LDLRAD4: variants seen among roughly 807,000 people sequenced by gnomAD.
LDLRAD4 encodes low-density lipoprotein receptor class A domain-containing protein 4.
LDLRAD4 carries 5 observed loss-of-function variants against 17.0 expected under a neutral mutation model. The observed-to-expected ratio is 0.29, with a 90% CI of 0.15 to 0.62. LDLRAD4 has a LOEUF of 0.62. LDLRAD4 is among the 20% of genes least tolerant of loss of function. LDLRAD4 has a pLI of 0.84. For missense variants in LDLRAD4, 340 were observed against 424.7 expected, an observed-to-expected ratio of 0.80 and a Z score of 1.75; for synonymous variants, 168 against 171.8, an observed-to-expected ratio of 0.98 and a Z score of 0.17.
chr18:13,467,405 A>G (rs562730523), intron 3 of LDLRAD4, among the ~76,000 whole-genome samples: 43 of 152,352 alleles, frequency 2.8e-4, no homozygotes, highest in African/African-American at 1.0e-3. Flanking sequence ...AATTAGCTCT[A>G]AAAGAATAAA....
intron 3 of LDLRAD4, chr18:13,614,628 G>T (rs1292830782): frequency 6.6e-6 from 1 of 152,152 alleles, no homozygotes; most frequent in East Asian, 1.9e-4. Flanking sequence ...TTTAATGAGT[G>T]TGAATCTTCA....
At chr18:13,533,663 T>G (rs2147855424) in intron 3 of LDLRAD4, among the ~76,000 whole-genome samples, 1 of 152,360 alleles carries the variant, frequency 6.6e-6, no homozygotes, top group South Asian at 2.1e-4. Flanking sequence ...GTAGTCCATG[T>G]ATCTGAATTA....
At chr18:13,531,263 A>G (rs2094122281) in intron 3 of LDLRAD4, among the ~76,000 whole-genome samples, 2 of 152,144 alleles carry the variant, frequency 1.3e-5, no homozygotes, top group Non-Finnish European at 1.5e-5. Context: ...ACGGAGACAG[A>G]TGTGTGACTG....
intron 3 of LDLRAD4, among the ~76,000 whole-genome samples, chr18:13,554,797 CAA>C (rs1353658964): frequency 3.3e-5 from 5 of 152,174 alleles, no homozygotes; most frequent in African/African-American, 1.2e-4. Flanking sequence ...ACTCTGCCCT[CAA>C]AGAGGGAGCC....
intron 1 of LDLRAD4, among the ~76,000 whole-genome samples, chr18:13,250,215 T>C (rs888897580): frequency 2.6e-5 from 4 of 152,252 alleles, no homozygotes; most frequent in African/African-American, 9.6e-5. Flanking sequence ...TTTTGGTTAT[T>C]ATAGCTTTAT....
rs115328794 is a variant in LDLRAD4, at chr18:13,595,891, C to T, written c.182-25226C>T. ...AGGTCCATCTGTTAGGTTTATTTGG[C>T]TTCTACTGTGTTTAAGTCTTCTATT... On this transcript the variant is annotated intron_variant, in intron 3 of 5. Coordinates refer to ENST00000359446, the Ensembl canonical transcript of LDLRAD4. Among the ~76,000 whole-genome samples the T allele has an allele frequency of 6.9e-3, 1,048 of 152,234 alleles. 11 individuals carry two copies. Among genetic ancestry groups the T allele is most frequent in the African/African-American group, 0.024 (1,014 of 41,550 alleles).
At position 13,438,232 on chromosome 18, in the gene LDLRAD4, G is replaced by A. The variant is rs368218936; in HGVS notation, c.41-12G>A. 5 of 1,613,460 alleles carry A rather than the reference G, an allele frequency of 3.1e-6. No individual in the cohort carries two copies. The African/African-American group carries it at 6.7e-5, about 22-fold the overall frequency. On this transcript the variant is annotated splice_polypyrimidine_tract_variant and intron_variant, in intron 2 of 5. Transcript: ENST00000359446. ...CATTGACTGCTCCATGCTTTATATTGTACTTTTTCAGAGTGCAAATTCACC... is the reference window on the plus strand; with the variant it reads ...CATTGACTGCTCCATGCTTTATATTATACTTTTTCAGAGTGCAAATTCACC...
intron 3 of LDLRAD4, among the ~76,000 whole-genome samples, chr18:13,518,209 C>T (rs374133532): frequency 2.1e-4 from 32 of 152,284 alleles, no homozygotes; most frequent in African/African-American, 7.2e-4. Context: ...GTTAGAGCTT[C>T]CCACTCTGTC....
In LDLRAD4 at chr18:13,398,633, C is replaced by A. The variant is rs2086899188; in HGVS notation, c.40+10871C>A. ...GTTTCGAAGGAGATGGGCGGCCCCT[C>A]CCTCTAACAACTTGATATGTAGTGA... is the stretch of plus-strand genomic sequence containing the variant. On this transcript the variant is annotated intron_variant, in intron 2 of 5. Coordinates refer to ENST00000359446, the Ensembl canonical transcript of LDLRAD4. The surrounding 1 kb of genome is among the most constrained non-coding windows in gnomAD (Gnocchi z 4.8). Among the ~76,000 whole-genome samples the A allele has an allele frequency of 6.6e-6, 1 of 152,034 alleles. No individual in the cohort carries two copies. The highest frequency in any genetic ancestry group is 6.6e-5 in the Admixed American group (1 of 15,266).
intron 1 of LDLRAD4, among the ~76,000 whole-genome samples, chr18:13,229,192 G>C (rs2041950079): frequency 6.6e-6 from 1 of 152,202 alleles, no homozygotes; most frequent in South Asian, 2.1e-4. Flanking sequence ...GGTGTCCTTG[G>C]GACGATTCGG....
At chr18:13,646,118 CT>C (rs1034983061) in exon 6 of LDLRAD4, 1 of 153,522 alleles carries the variant, frequency 6.5e-6, no homozygotes, top group African/African-American at 2.4e-5. Context: ...AGGTGTGGAA[CT>C]TTTATTTTGT....
At chr18:13,458,285 G>GAGCGGCGC (rs1254842701) in intron 3 of LDLRAD4, among the ~76,000 whole-genome samples, 1 of 152,212 alleles carries the variant, frequency 6.6e-6, no homozygotes, top group African/African-American at 2.4e-5. Flanking sequence ...CTAAGAAGTA[G>GAGCGGCGC]AGCGGCGCGC....
intron 1 of LDLRAD4, among the ~76,000 whole-genome samples, chr18:13,334,549 A>G (rs1343878542): frequency 6.6e-6 from 1 of 152,190 alleles, no homozygotes; most frequent in Non-Finnish European, 1.5e-5. Flanking sequence ...TAACCTTTAT[A>G]TATTAACTTT....
intron 1 of LDLRAD4, among the ~76,000 whole-genome samples, chr18:13,370,715 T>TTTTTTTTTTTTTTTTTTTTTTTTG (rs1555663261): frequency 8.3e-6 from 1 of 120,998 alleles, no homozygotes; most frequent in Non-Finnish European, 1.6e-5. Context: ...TTTGTTTTGT[T>TTTTTTTTTTTTTTTTTTTTTTTTG]TTTTTTTTTT....
At chr18:13,453,522 T>C (rs2091959581) in intron 3 of LDLRAD4, among the ~76,000 whole-genome samples, 1 of 151,588 alleles carries the variant, frequency 6.6e-6, no homozygotes, top group African/African-American at 2.4e-5. Context: ...CTGGAGTCAC[T>C]TGTGACGCAA....
At chr18:13,224,368 C>T (rs1248862041) in intron 1 of LDLRAD4, among the ~76,000 whole-genome samples, 1 of 152,134 alleles carries the variant, frequency 6.6e-6, no homozygotes, top group African/African-American at 2.4e-5. Flanking sequence ...AGCTAACTGC[C>T]TGGGTCTGGG....
chr18:13,222,182 G>A (rs1012778394), intron 1 of LDLRAD4, among the ~76,000 whole-genome samples: 3 of 151,984 alleles, frequency 2.0e-5, no homozygotes, highest in East Asian at 1.9e-4. Context: ...CTCCTACAAC[G>A]TCACTCCCCC....
chr18:13,602,928 A>G (rs979218103), intron 3 of LDLRAD4, among the ~76,000 whole-genome samples: 4 of 152,320 alleles, frequency 2.6e-5, no homozygotes, highest in Admixed American at 2.6e-4. Flanking sequence ...TGGAGAGGAC[A>G]TTTAATGGGA....
rs537526651 is a variant in LDLRAD4, at chr18:13,333,990, G to A, written c.-382-53351G>A. On this transcript the variant is annotated intron_variant, in intron 1 of 5. Transcript: ENST00000359446. ...GCATTGAATCTATTGATGAAGCTGG[G>A]AAGAACTGACATGTTGACAATATTG... Among the ~76,000 whole-genome samples, 143 of 152,300 alleles carry A rather than the reference G, an allele frequency of 9.4e-4. 1 individual carries two copies. Among genetic ancestry groups the A allele is most frequent in the Middle Eastern group, 3.4e-3 (1 of 294 alleles).
Sources: allele counts gnomAD v4.1 joint callset (sites outside exome capture counted in the v4.1 genomes callset), GRCh38; gene constraint gnomAD v4.1.1; non-coding constraint Gnocchi (gnomAD v3.1); transcripts MANE v1.5; gene names NCBI Gene and HGNC (gene_info 2026-07-23, HGNC 2026-07-21).